BTBD19: variants seen among roughly 807,000 people sequenced by gnomAD.
The protein encoded by BTBD19 is BTB domain containing 19.
Under a neutral mutation model 36.1 loss-of-function variants are expected in BTBD19, and 20 were observed. The observed-to-expected ratio is 0.55, with a 90% CI of 0.39 to 0.80. BTBD19 has a LOEUF of 0.80. BTBD19 is among the 30% of genes least tolerant of loss of function. The pLI, the probability that BTBD19 is intolerant of heterozygous loss-of-function variation, is 0.00. For synonymous variants in BTBD19, 157 were observed against 174.3 expected (o/e 0.90, Z 0.78); for missense variants, 325 against 389.8 (o/e 0.83, Z 1.40).
In BTBD19 at chr1:44,813,702, C is replaced by A. The variant is rs1206723611; in HGVS notation, c.806C>A (p.Ala269Asp). 3.9e-6 allele frequency: 6 copies of A among 1,551,442 alleles called. No individual in the cohort carries two copies. The highest frequency in any genetic ancestry group is 5.2e-6 in the Non-Finnish European group (6 of 1,146,844). ...CGGAGAGGGGATGAGGCCCGGGGCG[C>A]CCCGTGTCGCCGCCGGAGAGGCACC... The change falls in exon 8 of 8, where the codon GCC becomes GAC. Residue 269 changes from alanine to aspartate, a missense_variant. Transcript: ENST00000450269. This position sits in a 1 kb window ranked among gnomAD's most constrained non-coding sequence, Gnocchi z 7.8.
intron 3 of BTBD19, 74 bp from the exon 4 acceptor site, chr1:44,811,965 A>T: frequency 1.7e-6 from 2 of 1,185,546 alleles, no homozygotes; most frequent in South Asian, 2.5e-5. Flanking sequence ...AAGCCTGCTC[A>T]CTGCTTCTGG....
Position 44,813,923 on chromosome 1 carries a change from C to CA in BTBD19, c.*152dup, listed in dbSNP as rs1490758956. 1.7e-5 allele frequency: 22 copies of CA among 1,271,604 alleles called. No homozygotes were observed. The East Asian group carries it at 5.6e-4, about 32-fold the overall frequency. 78.8% of individuals were successfully genotyped at this position (1,271,604 alleles called of 1,614,324 possible). On this transcript the variant is annotated 3_prime_UTR_variant, in exon 8 of 8. Coordinates refer to ENST00000450269, the Ensembl canonical transcript of BTBD19. The surrounding 1 kb of genome is among the most constrained non-coding windows in gnomAD (Gnocchi z 7.8). ...CGGAAGAACCGTTGTCTGCCACGCGCAGCCCCTTGTGCGGGATCAAGCCCG... is the reference window on the plus strand; with the variant it reads ...CGGAAGAACCGTTGTCTGCCACGCGCAAGCCCCTTGTGCGGGATCAAGCCCG...
rs994244090 is a variant in BTBD19 at position 44,810,213 on chromosome 1, T to C, written c.87T>C (p.Ser29=). The change falls in exon 2 of 8, where the codon AGT becomes AGC. Residue 29 remains serine (S), a splice_region_variant and synonymous_variant. Transcript: ENST00000450269. The surrounding 1 kb of genome is among the most constrained non-coding windows in gnomAD (Gnocchi z 4.2). ...CTGCCTCTCTGCCTGTCTCCCACAGTGATGTTTGCTTCGTGGTTGGTCAAG... is the reference window on the plus strand; with the variant it reads ...CTGCCTCTCTGCCTGTCTCCCACAGCGATGTTTGCTTCGTGGTTGGTCAAG... 5 of 1,550,952 alleles carry C rather than the reference T, an allele frequency of 3.2e-6. No individual in the cohort carries two copies. The highest frequency in any genetic ancestry group is 4.4e-6 in the Non-Finnish European group (5 of 1,146,234).
intron 4 of BTBD19, among the ~76,000 whole-genome samples, 167 bp from the exon 5 acceptor site, chr1:44,812,828 TG>T: frequency 7.8e-6 from 1 of 128,480 alleles, no homozygotes; most frequent in East Asian, 2.3e-4. Flanking sequence ...TGTGTGTGTG[TG>T]TGTGTGTGTA....
At position 44,810,408 on chromosome 1, in the gene BTBD19, C is replaced by A; in HGVS notation, c.282C>A (p.Val94=). The change falls in exon 2 of 8, where the codon GTC becomes GTA. Residue 94 remains valine, a synonymous_variant. Coordinates refer to ENST00000450269, the Ensembl canonical transcript of BTBD19. This position sits in a 1 kb window ranked among gnomAD's most constrained non-coding sequence, Gnocchi z 4.2. The stretch of plus-strand genomic sequence containing the variant: ...TGGAGTTCCTATATACCAACAGTGT[C>A]AAGCTGTACCGCCACTCTGTGAGCC... 6.4e-7 allele frequency: 1 copy of A among 1,551,346 alleles called. No individual in the cohort carries two copies. Among genetic ancestry groups the A allele is most frequent in the South Asian group, 1.2e-5 (1 of 84,036 alleles).
chr1:44,814,933 GAAATT>G (rs1171648426), downstream of BTBD19: 1 of 152,178 alleles, frequency 6.6e-6, no homozygotes, highest in East Asian at 1.9e-4. Context: ...GGCTCGGCGA[GAAATT>G]GATCTCCCCA....
rs1236790370 is a variant in BTBD19 at position 44,813,274 on chromosome 1, G to C, written c.615+5G>C. The C allele has an allele frequency of 6.5e-7, 1 of 1,535,884 alleles. No individual in the cohort carries two copies. Among genetic ancestry groups the C allele is most frequent in the Non-Finnish European group, 8.7e-7 (1 of 1,143,888 alleles). On this transcript the variant is annotated splice_donor_5th_base_variant and intron_variant, in intron 6 of 7. Coordinates refer to ENST00000450269, the Ensembl canonical transcript of BTBD19. This position sits in a 1 kb window ranked among gnomAD's most constrained non-coding sequence, Gnocchi z 7.8. ...AGCTGGGCGCGCGTGGGCGCGGTGA[G>C]TGGGGCTGGGGGAGCGCAAGGGCAC...
rs1207770438 is a variant in BTBD19 at position 44,808,878 on chromosome 1, C to T, written c.58C>T (p.Arg20Ter). 12 of 1,550,130 alleles carry T rather than the reference C, an allele frequency of 7.7e-6. No individual in the cohort carries two copies. Among genetic ancestry groups the T allele is most frequent in the East Asian group, 4.9e-5 (2 of 40,792 alleles). ...AGCTGAACCTTTTTCCGCAGCACTC[C>T]GAAGCCTTGTCAACAACCCGCGATA... Residue 20 changes from arginine to a stop codon, truncating the protein, a stop_gained, in exon 1 of 8, where the codon CGA becomes TGA. Transcript: ENST00000450269. LOFTEE classifies it high-confidence loss of function.
rs573076170 is a variant in BTBD19, at chr1:44,813,994, C to T, written c.*222C>T. 4.5e-6 allele frequency: 3 copies of T among 670,892 alleles called. No individual in the cohort carries two copies. The highest frequency in any genetic ancestry group is 7.5e-6 in the Non-Finnish European group (3 of 401,922). The allele number at this position is 670,892 out of a possible 1,614,324, so 41.6% of individuals were successfully genotyped here. A position where few individuals can be genotyped will look rare whatever the true frequency, so the allele number is the denominator to read the frequency against. On this transcript the variant is annotated 3_prime_UTR_variant, in exon 8 of 8. Coordinates refer to ENST00000450269, the Ensembl canonical transcript of BTBD19. The surrounding 1 kb of genome is among the most constrained non-coding windows in gnomAD (Gnocchi z 7.8). ...GCCGGGCAGGGCTTGGGCTGGGCCT[C>T]CCTGAGGGGGTGAAACTCGAAAACG...
At chr1:44,814,072 C>A (rs1652573206) in exon 8 of BTBD19, 1 of 553,798 alleles carries the variant, frequency 1.8e-6, no homozygotes, top group Non-Finnish European at 3.2e-6. Context: ...TGGGCATTGT[C>A]GTCTACTAGT....
At chr1:44,808,533 TCGCCGC>T (rs745615802) in exon 1 of BTBD19, 13 of 300,722 alleles carry the variant, frequency 4.3e-5, no homozygotes, top group South Asian at 7.7e-5. Flanking sequence ...AGGGCCTCTT[TCGCCGC>T]CGCCGCCGCC....
In BTBD19 at chr1:44,810,659, C is replaced by T. The variant is rs1652366792; in HGVS notation, c.354+52C>T. The T allele has an allele frequency of 6.8e-7, 1 of 1,474,126 alleles. No individual in the cohort carries two copies. Among genetic ancestry groups the T allele is most frequent in the Non-Finnish European group, 9.1e-7 (1 of 1,099,916 alleles). The allele number at this position is 1,474,126 out of a possible 1,614,324, so 91.3% of individuals were successfully genotyped here. A position where few individuals can be genotyped will look rare whatever the true frequency, so the allele number is the denominator to read the frequency against. On this transcript the variant is annotated intron_variant, in intron 3 of 7. Transcript: ENST00000450269. The surrounding 1 kb of genome is among the most constrained non-coding windows in gnomAD (Gnocchi z 4.2). ...TCATTTCCCTTGCTTCTCACGGGCT[C>T]ACTTCCCGCCCTGCCTCACACACAC...
intron 3 of BTBD19, among the ~76,000 whole-genome samples, chr1:44,811,276 T>C (rs951168766): frequency 1.3e-5 from 2 of 149,930 alleles, no homozygotes; most frequent in Admixed American, 6.6e-5. Flanking sequence ...GTGCCGAGAC[T>C]GTATGGGGGG....
At chr1:44,814,140 TTTTCTTTCTCTTTCTTTC>T (rs1216655549), downstream of BTBD19, 5 of 256,058 alleles carry the variant, frequency 2.0e-5, no homozygotes, top group East Asian at 7.6e-5. Context: ...TTTCTTTTCT[TTTTCTTTCTCTTTCTTTC>T]TTTCTTTCTT....
chr1:44,811,564 G>A (rs760674295), intron 3 of BTBD19: 1 of 183,716 alleles, frequency 5.4e-6, no homozygotes, highest in Non-Finnish European at 1.2e-5. Flanking sequence ...TTCACTGAAG[G>A]TTTCCGATAA....
Position 44,813,841 on chromosome 1 carries a change from A to C in BTBD19, c.*69A>C. The C allele has an allele frequency of 6.5e-7, 1 of 1,539,896 alleles. No individual in the cohort carries two copies. Among genetic ancestry groups the C allele is most frequent in the South Asian group, 1.2e-5 (1 of 83,792 alleles). On this transcript the variant is annotated 3_prime_UTR_variant, in exon 8 of 8. Coordinates refer to ENST00000450269, the Ensembl canonical transcript of BTBD19. The surrounding 1 kb of genome is among the most constrained non-coding windows in gnomAD (Gnocchi z 7.8). ...AGCCTGCCCCAAACTACAGCTCCCG[A>C]AGTGCTCGGCGTTCGGAGCGGGCTT...
At position 44,813,552 on chromosome 1, in the gene BTBD19, T is replaced by C. The variant is rs1301227681; in HGVS notation, c.741+53T>C. On this transcript the variant is annotated intron_variant, in intron 7 of 7. Coordinates refer to ENST00000450269, the Ensembl canonical transcript of BTBD19. The surrounding 1 kb of genome is among the most constrained non-coding windows in gnomAD (Gnocchi z 7.8). ...CCACTCAGCAGGGGGTACAGGGCGC[T>C]GGGAGGGGGCAGGAGCAGCCCGGCC... is the stretch of plus-strand genomic sequence containing the variant. 1 of 1,537,804 alleles carries C rather than the reference T, an allele frequency of 6.5e-7. No homozygotes were observed. Among genetic ancestry groups the C allele is most frequent in the Non-Finnish European group, 8.8e-7 (1 of 1,138,478 alleles).
chr1:44,811,082 T>C (rs1438421768), intron 3 of BTBD19, among the ~76,000 whole-genome samples: 1 of 152,060 alleles, frequency 6.6e-6, no homozygotes, highest in Non-Finnish European at 1.5e-5. Context: ...TAGCCAGGCA[T>C]GGTGGCACAC....
chr1:44,814,992 GAC>G (rs1652645956), downstream of BTBD19: 1 of 152,138 alleles, frequency 6.6e-6, no homozygotes, highest in Non-Finnish European at 1.5e-5. Context: ...CATTTCCGTG[GAC>G]ACCCACGCCA....
Sources: gnomAD v4.1 joint callset for allele counts (sites outside exome capture counted in the v4.1 genomes callset) on GRCh38, gnomAD v4.1.1 for gene constraint, Gnocchi (gnomAD v3.1) non-coding constraint, MANE v1.5 for transcripts, NCBI Gene and HGNC (gene_info 2026-07-23, HGNC 2026-07-21) for gene names.